ZGRF1: variants seen among roughly 807,000 people sequenced by gnomAD.
ZGRF1 encodes the protein 5'-3' DNA helicase ZGRF1.
Under a neutral mutation model 203.5 loss-of-function variants are expected in ZGRF1, and 196 were observed. The ratio of observed to expected loss-of-function variants is 0.96; its 90% CI spans 0.86 to 1.08. The LOEUF (loss-of-function observed/expected upper bound fraction) is 1.08. Ranked by LOEUF, ZGRF1 falls within the 50% of genes least tolerant of loss-of-function variation. The pLI is 0.00. For missense variants in ZGRF1, 2,326 were observed against 2,416.3 expected, an observed-to-expected ratio of 0.96 and a Z score of 0.78; for synonymous variants, 809 against 841.3, an observed-to-expected ratio of 0.96 and a Z score of 0.66.
At position 112,600,224 on chromosome 4, in the gene ZGRF1, G is replaced by A. The variant is rs531257733; in HGVS notation, c.2976+3300C>T. Reference sequence around the variant, plus strand: ...TTTTTAAATTTTTTTTGTAGGGACCGAGTCTCACTATGTTGCCCAGGCTGG... The same window carrying A: ...TTTTTAAATTTTTTTTGTAGGGACCAAGTCTCACTATGTTGCCCAGGCTGG... On this transcript the variant is annotated intron_variant, in intron 10 of 27. Coordinates refer to ENST00000505019, the MANE Select transcript of ZGRF1 (RefSeq NM_018392.5). 3.9e-5 allele frequency among the ~76,000 whole-genome samples: 6 copies of A among 152,094 alleles called. No homozygotes were observed. The East Asian group carries it at 9.7e-4, about 25-fold the overall frequency.
Position 112,623,821 on chromosome 4 carries a change from A to C in ZGRF1, c.158T>G (p.Leu53Arg). Residue 53 changes from leucine to arginine, a missense_variant, in exon 4 of 28, where the codon CTT (leucine) becomes CGT (arginine). Physicochemically the swap from Leu to Arg is moderately radical, Grantham distance 102. Transcript: ENST00000505019. ...AAGATAAACACACTAAAATACCTCAAGGCATTTAAGAAACAGACTCTCCAA... is the reference window on the plus strand; with the variant it reads ...AAGATAAACACACTAAAATACCTCACGGCATTTAAGAAACAGACTCTCCAA... Reference protein sequence around the residue: ...ACLESLFLKCLEVKPGDDLES... With the variant: ...ACLESLFLKCREVKPGDDLES... 1.9e-6 allele frequency: 3 copies of C among 1,553,480 alleles called. No individual in the cohort carries two copies. Among genetic ancestry groups the C allele is most frequent in the Non-Finnish European group, 2.7e-6 (3 of 1,132,014 alleles).
At chr4:112,604,843 T>C (rs1255692220) in intron 9 of ZGRF1, among the ~76,000 whole-genome samples, 1 of 152,038 alleles carries the variant, frequency 6.6e-6, no homozygotes, top group Non-Finnish European at 1.5e-5. Flanking sequence ...TTACCCAAAA[T>C]GTGGAAAAAT....
intron 3 of ZGRF1, among the ~76,000 whole-genome samples, chr4:112,625,441 C>G (rs570939437): frequency 6.6e-6 from 1 of 151,466 alleles, no homozygotes; most frequent in East Asian, 1.9e-4. Context: ...AAAAATTAGC[C>G]GGGCGCGGTG....
rs1745788259 is a variant in ZGRF1 at position 112,579,289 on chromosome 4, T to C, written c.4438+2374A>G. 1.6e-5 allele frequency among the ~76,000 whole-genome samples: 2 copies of C among 122,738 alleles called. 1 individual carries two copies. The highest frequency in any genetic ancestry group is 5.7e-5 in the African/African-American group (2 of 35,344). The allele number at this position is 122,738 out of a possible 152,430, so 80.5% of individuals were successfully genotyped here. ...ATGTATCTCAAAATAATAAGAGCTA[T>C]CTATGACAAACCCACAGCCAATATC... On this transcript the variant is annotated intron_variant, in intron 16 of 27. Coordinates refer to ENST00000505019, the MANE Select transcript of ZGRF1 (RefSeq NM_018392.5).
chr4:112,623,849 A>G lies in ZGRF1; in HGVS notation c.130T>C (p.Cys44Arg), dbSNP rs145179270. ...KAILYDDKGA[C>R]LESLFLKCLE... ...CATTTAAGAAACAGACTCTCCAAAC[A>G]TGCTCCTTTGTCATCATATAAAATT... is the stretch of plus-strand genomic sequence containing the variant. The change falls in exon 4 of 28, where the codon TGT becomes CGT. Residue 44 changes from cysteine to arginine, a missense_variant. Transcript: ENST00000505019. 1.6e-4 allele frequency: 253 copies of G among 1,585,812 alleles called. No homozygotes were observed. Among genetic ancestry groups the G allele is most frequent in the Admixed American group, 1.2e-3 (71 of 58,806 alleles).
Position 112,586,831 on chromosome 4 carries a change from T to G in ZGRF1, c.3778-248A>C, listed in dbSNP as rs372933901. On this transcript the variant is annotated intron_variant, in intron 12 of 27. Coordinates refer to ENST00000505019, the MANE Select transcript of ZGRF1 (RefSeq NM_018392.5). The stretch of plus-strand genomic sequence containing the variant: ...CCTTAGTAAGTTTTTATATATTTTT[T>G]GCTAGGAAAAAGTTAACTGATGTGA... Among the ~76,000 whole-genome samples, 34 of 152,326 alleles carry G rather than the reference T, an allele frequency of 2.2e-4. No individual in the cohort carries two copies. The East Asian group carries it at 2.3e-3, about 10-fold the overall frequency.
chr4:112,593,729 G>A (rs1748542098), intron 10 of ZGRF1, among the ~76,000 whole-genome samples: 1 of 152,146 alleles, frequency 6.6e-6, no homozygotes. Flanking sequence ...GTCCCTCACT[G>A]TTGCCAATGC....
chr4:112,618,130 ACTC>A lies in ZGRF1; in HGVS notation c.1909_1911del (p.Glu637del). The A allele has an allele frequency of 6.2e-7, 1 of 1,613,734 alleles. No homozygotes were observed. The stretch of plus-strand genomic sequence containing the variant: ...TCAAAATTGCTTAATGTGTCACTAT[ACTC>A]CTCTATTTCTTTTCCTGTGTTTTCA... On this transcript the variant is annotated inframe_deletion, in exon 6 of 28. Transcript: ENST00000505019.
intron 6 of ZGRF1, among the ~76,000 whole-genome samples, chr4:112,616,661 C>G (rs2046884366): frequency 6.6e-6 from 1 of 151,490 alleles, no homozygotes; most frequent in Non-Finnish European, 1.5e-5. Context: ...ATAGTGAAAC[C>G]CTGTCTCTAC....
At chr4:112,584,922 A>T (rs547126536) in intron 14 of ZGRF1, among the ~76,000 whole-genome samples, 31 of 152,336 alleles carry the variant, frequency 2.0e-4, no homozygotes, top group Admixed American at 6.5e-4. Flanking sequence ...TTAAGCCAGC[A>T]TACTTTTCTA....
At chr4:112,608,195 C>A (rs138641714) in intron 8 of ZGRF1, among the ~76,000 whole-genome samples, 7 of 152,120 alleles carry the variant, frequency 4.6e-5, no homozygotes, top group Non-Finnish European at 8.8e-5. Context: ...ATTATAGGCA[C>A]GGGCCACTGC....
Position 112,632,001 on chromosome 4 carries a change from T to C in ZGRF1, c.31A>G (p.Thr11Ala). 6.6e-7 allele frequency: 1 copy of C among 1,525,204 alleles called. No homozygotes were observed. Among genetic ancestry groups the C allele is most frequent in the Non-Finnish European group, 8.9e-7 (1 of 1,127,098 alleles). 94.5% of individuals were successfully genotyped at this position (1,525,204 alleles called of 1,614,324 possible). A position where few individuals can be genotyped will look rare whatever the true frequency, so the allele number is the denominator to read the frequency against. Residue 11 changes from threonine to alanine, a missense_variant, in exon 3 of 28, where the codon ACT becomes GCT. Physicochemically the swap from Thr to Ala is moderately conservative, Grantham distance 58 (BLOSUM62 0). Coordinates refer to ENST00000505019, the MANE Select transcript of ZGRF1 (RefSeq NM_018392.5). ...TTTGACTTCTTCATCTTTTGATGAGTATATAGAACCTTATTTCCAAAAATA... is the reference window on the plus strand; with the variant it reads ...TTTGACTTCTTCATCTTTTGATGAGCATATAGAACCTTATTTCCAAAAATA... MESQEFIVLY[T>A]HQKMKKSKVW...
rs989106585 is a variant in ZGRF1, at chr4:112,585,486, A to C, written c.4101+55T>G. 1.6e-5 allele frequency: 23 copies of C among 1,447,088 alleles called. No individual in the cohort carries two copies. In the African/African-American group the frequency reaches 3.1e-4, roughly 20 times the overall value. The allele number at this position is 1,447,088 out of a possible 1,614,324, so 89.6% of individuals were successfully genotyped here. A position where few individuals can be genotyped will look rare whatever the true frequency, so the allele number is the denominator to read the frequency against. ...GCTTATCATGAAGTAATAGGTATCTAAACCCTTTATAAGACAAGTATTTGG... is the reference window on the plus strand; with the variant it reads ...GCTTATCATGAAGTAATAGGTATCTCAACCCTTTATAAGACAAGTATTTGG... On this transcript the variant is annotated intron_variant, in intron 14 of 27. Coordinates refer to ENST00000505019, the MANE Select transcript of ZGRF1 (RefSeq NM_018392.5).
intron 16 of ZGRF1, among the ~76,000 whole-genome samples, chr4:112,569,021 A>G (rs1355169908): frequency 1.3e-5 from 2 of 152,218 alleles, no homozygotes; most frequent in Non-Finnish European, 2.9e-5. Flanking sequence ...TCTCAGAAAA[A>G]AAAATAAAAT....
chr4:112,631,340 G>A (rs1273102431), intron 3 of ZGRF1, among the ~76,000 whole-genome samples: 1 of 151,502 alleles, frequency 6.6e-6, no homozygotes, highest in Non-Finnish European at 1.5e-5. Context: ...TCCACTCCTG[G>A]AGTTATTTTA....
rs1560814226 is a variant in ZGRF1 at position 112,587,885 on chromosome 4, G to A, written c.3172C>T (p.Leu1058Phe). ...RSLENENLQR[L>F]SLLSRTQVPL... is the part of the protein sequence containing the mutation. Reference sequence around the variant, plus strand: ...ACCTGGGTTCTACTTAATAATGAAAGCCTTTGAAGGTTCTCATTCTCCAGA... The same window carrying A: ...ACCTGGGTTCTACTTAATAATGAAAACCTTTGAAGGTTCTCATTCTCCAGA... The change falls in exon 12 of 28, where the codon CTT (leucine) becomes TTT (phenylalanine). Residue 1058 changes from leucine (L) to phenylalanine (F), a missense_variant. Physicochemically the swap from Leu to Phe is conservative, Grantham distance 22. Coordinates refer to ENST00000505019, the MANE Select transcript of ZGRF1 (RefSeq NM_018392.5). 2 of 1,544,804 alleles carry A rather than the reference G, an allele frequency of 1.3e-6. No individual in the cohort carries two copies. The highest frequency in any genetic ancestry group is 1.7e-6 in the Non-Finnish European group (2 of 1,145,174).
At position 112,553,985 on chromosome 4, in the gene ZGRF1, A is replaced by T. The variant is rs377636402; in HGVS notation, c.5199-3T>A. The T allele has an allele frequency of 6.2e-7, 1 of 1,603,578 alleles. No individual in the cohort carries two copies. Among genetic ancestry groups the T allele is most frequent in the Non-Finnish European group, 8.5e-7 (1 of 1,177,186 alleles). On this transcript the variant is annotated splice_polypyrimidine_tract_variant and splice_region_variant and intron_variant, in intron 21 of 27. Coordinates refer to ENST00000505019, the MANE Select transcript of ZGRF1 (RefSeq NM_018392.5). ...CATTTTCTGAGCCAGCATGCAAGCT[A>T]AAGAATTATATTAAAACACTCCTCT...
chr4:112,613,016 G>A (rs11735645), intron 6 of ZGRF1, among the ~76,000 whole-genome samples: 3,828 of 152,204 alleles, frequency 0.025, 64 homozygotes, highest in Non-Finnish European at 0.038. Context: ...AAACAGAGTC[G>A]GGCATGGTGG....
chr4:112,586,777 C>G (rs377544978), intron 12 of ZGRF1, among the ~76,000 whole-genome samples, 194 bp from the exon 13 acceptor site: 64 of 152,042 alleles, frequency 4.2e-4, no homozygotes, highest in South Asian at 1.0e-3. Context: ...AATTTTAACC[C>G]TATATAAGAG....
Sources: allele counts gnomAD v4.1 joint callset (sites outside exome capture counted in the v4.1 genomes callset), GRCh38; gene constraint gnomAD v4.1.1; transcripts MANE v1.5; gene names NCBI Gene and HGNC (gene_info 2026-07-23, HGNC 2026-07-21).